The following ACSM2B variants were observed in gnomAD, a reference collection of about 807,000 sequenced individuals.
The protein encoded by ACSM2B is acyl-CoA synthetase medium chain family member 2B.
Under a neutral mutation model 78.6 loss-of-function variants are expected in ACSM2B, and 58 were observed. That is an observed-to-expected ratio of 0.74 (90% CI 0.60 to 0.92). The LOEUF is 0.92. ACSM2B is among the 40% of genes least tolerant of loss of function. ACSM2B has a pLI of 0.00. For missense variants in ACSM2B, 688 were observed against 711.2 expected (o/e 0.97, Z 0.37); for synonymous variants, 257 against 256.8 (o/e 1.00, Z -0.01).
intron 7 of ACSM2B, 100 bp downstream of exon 7, chr16:20,548,294 T>A (rs906143020): frequency 1.9e-6 from 3 of 1,606,956 alleles, no homozygotes; most frequent in African/African-American, 2.7e-5. Flanking sequence ...TTCATGGGGC[T>A]CTCTGTGTGC....
chr16:20,558,477 C>A (rs951882253), intron 3 of ACSM2B, among the ~76,000 whole-genome samples: 2 of 151,780 alleles, frequency 1.3e-5, no homozygotes, highest in African/African-American at 4.8e-5. Flanking sequence ...ACCACAACTC[C>A]TACTGTTTTC....
rs1479632615 is a variant in ACSM2B at position 20,536,610 on chromosome 16, T to C, written c.*648A>G. 6.6e-6 allele frequency: 1 copy of C among 152,142 alleles called. No homozygotes were observed. Among genetic ancestry groups the C allele is most frequent in the Non-Finnish European group, 1.5e-5 (1 of 68,046 alleles). The allele number at this position is 152,142 out of a possible 1,614,324, so 9.4% of individuals were successfully genotyped here. ...AAAGTACCACTTCTTTTCCTTTCATTTCCTTCTCAAGCTCCAGTTTTATGC... is the reference window on the plus strand; with the variant it reads ...AAAGTACCACTTCTTTTCCTTTCATCTCCTTCTCAAGCTCCAGTTTTATGC... On this transcript the variant is annotated 3_prime_UTR_variant, in exon 14 of 14. Coordinates refer to ENST00000329697, the MANE Select transcript of ACSM2B (RefSeq NM_001105069.2).
At chr16:20,549,589 A>G (rs1291766118) in intron 6 of ACSM2B, 5 of 256,786 alleles carry the variant, frequency 1.9e-5, no homozygotes, top group Admixed American at 1.0e-4. Flanking sequence ...GAGTTTGTTG[A>G]TGAAAGGAGC....
intron 1 of ACSM2B, among the ~76,000 whole-genome samples, chr16:20,566,843 T>C (rs1232484001): frequency 8.3e-5 from 10 of 120,310 alleles, no homozygotes; most frequent in African/African-American, 2.5e-4. Flanking sequence ...ATATATACTA[T>C]ATATAGACAC....
intron 2 of ACSM2B, 69 bp from the exon 3 acceptor site, chr16:20,559,516 T>C (rs2015582610): frequency 1.5e-5 from 24 of 1,556,656 alleles, no homozygotes; most frequent in Non-Finnish European, 2.1e-5. Flanking sequence ...ATTCCAAGTC[T>C]TGGGATTGCC....
At chr16:20,552,600 A>C (rs2015352282) in intron 5 of ACSM2B, among the ~76,000 whole-genome samples, 1 of 152,170 alleles carries the variant, frequency 6.6e-6, no homozygotes, top group Admixed American at 6.5e-5. Context: ...TCTGGCATGC[A>C]TGTGGTAACC....
chr16:20,542,536 T>C, intron 12 of ACSM2B: 1 of 219,726 alleles, frequency 4.6e-6, no homozygotes, highest in Admixed American at 5.1e-5. Flanking sequence ...TATCTTCGTA[T>C]TGTGAATAGT....
chr16:20,558,869 G>A (rs1423178259), intron 3 of ACSM2B, among the ~76,000 whole-genome samples: 2 of 152,194 alleles, frequency 1.3e-5, no homozygotes, highest in Non-Finnish European at 2.9e-5. Context: ...AACAAGCTGT[G>A]GGCAGGATTT....
Position 20,555,301 on chromosome 16 carries a change from G to A in ACSM2B, c.564C>T (p.Cys188=), listed in dbSNP as rs111238231. 4.4e-4 allele frequency: 708 copies of A among 1,613,568 alleles called. 12 individuals carry two copies. The East Asian group carries it at 0.012, about 28-fold the overall frequency. ...GTTTCTTGAAGTTCAGCCACCCATC[G>A]CAGCTTTTCTCAGACACCAGTAGCT... ...RIKLLVSEKS[C]DGWLNFKKLL... Residue 188 remains cysteine, a synonymous_variant, in exon 4 of 14, where the codon TGC becomes TGT. Coordinates refer to ENST00000329697, the MANE Select transcript of ACSM2B (RefSeq NM_001105069.2).
At chr16:20,545,665 A>G (rs1342365697) in intron 9 of ACSM2B, among the ~76,000 whole-genome samples, 1 of 152,216 alleles carries the variant, frequency 6.6e-6, no homozygotes, top group Non-Finnish European at 1.5e-5. Context: ...CCCATAAAAC[A>G]GAGATACTGA....
chr16:20,550,001 T>A (rs1188104645), intron 6 of ACSM2B: 31 of 275,550 alleles, frequency 1.1e-4, no homozygotes, highest in African/African-American at 7.0e-5. Context: ...GGTTTTAATT[T>A]TTTTTTATCA....
chr16:20,553,754 TAGAG>T lies in ACSM2B; in HGVS notation c.740+19_740+22del, dbSNP rs564507042. On this transcript the variant is annotated intron_variant, in intron 5 of 13. Coordinates refer to ENST00000329697, the MANE Select transcript of ACSM2B (RefSeq NM_001105069.2). ...TCATGCCTGGTCATGCAATTCTCTG[TAGAG>T]AGAAAGAGCTCAGCTTACCCAGCAT... 255 of 1,600,760 alleles carry T rather than the reference TAGAG, an allele frequency of 1.6e-4. No individual in the cohort carries two copies. In the African/African-American group the frequency reaches 2.8e-3, roughly 18 times the overall value.
chr16:20,551,868 C>T (rs1285082913), intron 6 of ACSM2B, among the ~76,000 whole-genome samples: 3 of 152,106 alleles, frequency 2.0e-5, no homozygotes, highest in African/African-American at 7.2e-5. Context: ...TAGGTGACAC[C>T]AGTGGAAGAG....
chr16:20,555,635 G>T (rs570292552), intron 3 of ACSM2B, among the ~76,000 whole-genome samples, 159 bp from the exon 4 acceptor site: 80 of 152,248 alleles, frequency 5.3e-4, no homozygotes, highest in Middle Eastern at 3.4e-3. Context: ...AAGGACTAGG[G>T]AGTGAATGAA....
chr16:20,547,880 G>A, intron 8 of ACSM2B, 182 bp downstream of exon 8: 1 of 1,392,672 alleles, frequency 7.2e-7, no homozygotes, highest in Non-Finnish European at 9.6e-7. Context: ...CAGAAAACAG[G>A]AACTTTGCCT....
chr16:20,565,883 A>C lies in ACSM2B; in HGVS notation c.-8-1030T>G, dbSNP rs2015811156. Among the ~76,000 whole-genome samples, 3 of 151,798 alleles carry C rather than the reference A, an allele frequency of 2.0e-5. No homozygotes were observed. The South Asian group carries it at 6.2e-4, about 32-fold the overall frequency. ...ACTCATGACTTTGCAACAATGTATA[A>C]CTTAGCTCCCACTTATGGCTGAGAA... On this transcript the variant is annotated intron_variant, in intron 1 of 13. Coordinates refer to ENST00000329697, the MANE Select transcript of ACSM2B (RefSeq NM_001105069.2).
intron 1 of ACSM2B, among the ~76,000 whole-genome samples, chr16:20,573,818 A>G (rs1480466041): frequency 6.6e-6 from 1 of 152,100 alleles, no homozygotes; most frequent in Non-Finnish European, 1.5e-5. Flanking sequence ...GTGTACGAAC[A>G]GGGAGTAGGT....
intron 13 of ACSM2B, 138 bp from the exon 14 acceptor site, chr16:20,537,500 T>G (rs2014877199): frequency 1.1e-6 from 1 of 870,138 alleles, no homozygotes; most frequent in Non-Finnish European, 1.8e-6. Context: ...ATAAGAAGCT[T>G]CAGAAGGTGC....
rs199930809 is a variant in ACSM2B, at chr16:20,540,766, T to C, written c.1517A>G (p.Lys506Arg). 1.2e-6 allele frequency: 2 copies of C among 1,613,768 alleles called. No individual in the cohort carries two copies. Among genetic ancestry groups the C allele is most frequent in the East Asian group, 4.5e-5 (2 of 44,858 alleles). ...SPDPVRGEVV[K>R]AFVILASQFL... The stretch of plus-strand genomic sequence containing the variant: ...CTGCGAGGCCAGGATCACAAATGCC[T>C]TCACCACCTGCAAAATAGATGAAGG... Residue 506 changes from lysine to arginine, a missense_variant, in exon 13 of 14, where the codon AAG becomes AGG. By Grantham distance (26) the Lys-to-Arg change is conservative. Coordinates refer to ENST00000329697, the MANE Select transcript of ACSM2B (RefSeq NM_001105069.2).
Sources: allele counts gnomAD v4.1 joint callset (sites outside exome capture counted in the v4.1 genomes callset), GRCh38; gene constraint gnomAD v4.1.1; transcripts MANE v1.5; gene names NCBI Gene and HGNC (gene_info 2026-07-23, HGNC 2026-07-21).